Variants in SNPH observed in about 807,000 individuals in gnomAD.
SNPH encodes the protein syntaphilin.
SNPH carries 10 observed loss-of-function variants against 36.8 expected under a neutral mutation model. The observed-to-expected ratio is 0.27, with a 90% CI of 0.17 to 0.46. The LOEUF is 0.46. Ranked by LOEUF, SNPH falls within the 20% of genes least tolerant of loss-of-function variation. SNPH has a pLI of 1.00. For synonymous variants in SNPH, 281 were observed against 312.2 expected (o/e 0.90, Z 1.05); for missense variants, 622 against 744.0 (o/e 0.84, Z 1.91).
In SNPH at chr20:1,279,463, A is replaced by T. The variant is rs1047882397; in HGVS notation, c.-493+12703A>T. 2.6e-5 allele frequency among the ~76,000 whole-genome samples: 4 copies of T among 152,264 alleles called. No individual in the cohort carries two copies. In the East Asian group the frequency reaches 7.7e-4, roughly 29 times the overall value. The stretch of plus-strand genomic sequence containing the variant: ...TATGAGAGTACTTTATACATTCTGG[A>T]TATAAGTTCTTTGTTAAATATATAT... On this transcript the variant is annotated intron_variant, in intron 2 of 6. Transcript: ENST00000381867.
intron 2 of SNPH, among the ~76,000 whole-genome samples, chr20:1,279,779 T>C (rs1294009243): frequency 6.6e-6 from 1 of 152,122 alleles, no homozygotes; most frequent in Non-Finnish European, 1.5e-5. Context: ...CATGAAGGTT[T>C]AGTGTCAGAG....
At position 1,305,825 on chromosome 20, in the gene SNPH, G is replaced by A. The variant is rs762721027; in HGVS notation, c.1388G>A (p.Ser463Asn). The change falls in exon 7 of 7, where the codon AGC (serine) becomes AAC (asparagine). Residue 463 changes from serine (S) to asparagine (N), a missense_variant. Coordinates refer to ENST00000381867, the MANE Select transcript of SNPH (RefSeq NM_001318234.2). ...EAAVAEKEPK[S>N]YWSRHYIVDL... is the part of the protein sequence containing the mutation. Reference sequence around the variant, plus strand: ...GCCGTGGCTGAGAAGGAGCCCAAGAGCTACTGGAGCCGCCACTACATCGTG... The same window carrying A: ...GCCGTGGCTGAGAAGGAGCCCAAGAACTACTGGAGCCGCCACTACATCGTG... 24 of 1,571,782 alleles carry A rather than the reference G, an allele frequency of 1.5e-5. No homozygotes were observed. Among genetic ancestry groups the A allele is most frequent in the Admixed American group, 9.2e-5 (5 of 54,482 alleles).
Position 1,309,143 on chromosome 20 carries a change from G to A in SNPH, c.*3089G>A, listed in dbSNP as rs4814096. ...GAACTCACAACCCCCTCTCTGACCT[G>A]GGGGACAATGCAAACAGGTCACAGT... is the stretch of plus-strand genomic sequence containing the variant. On this transcript the variant is annotated 3_prime_UTR_variant, in exon 7 of 7. Coordinates refer to ENST00000381867, the MANE Select transcript of SNPH (RefSeq NM_001318234.2). 0.99 allele frequency: 151,548 copies of A among 152,690 alleles called. 75,218 individuals are homozygous for A. The highest frequency in any genetic ancestry group is 1 in the East Asian group (5,176 of 5,176). The allele number at this position is 152,690 out of a possible 1,614,324, so 9.5% of individuals were successfully genotyped here.
chr20:1,288,412 C>T (rs897935391), intron 2 of SNPH, among the ~76,000 whole-genome samples: 13 of 151,928 alleles, frequency 8.6e-5, no homozygotes, highest in African/African-American at 2.4e-4. Flanking sequence ...CCAAGATGGA[C>T]GATGTGATAT....
intron 2 of SNPH, among the ~76,000 whole-genome samples, chr20:1,286,747 G>A (rs1865344607): frequency 6.6e-6 from 1 of 152,216 alleles, no homozygotes; most frequent in South Asian, 2.1e-4. Flanking sequence ...GGGAGAGAAT[G>A]CAAGTGCAAG....
intron 2 of SNPH, among the ~76,000 whole-genome samples, chr20:1,288,555 C>G (rs2088311011): frequency 6.6e-6 from 1 of 151,848 alleles, no homozygotes; most frequent in Non-Finnish European, 1.5e-5. Context: ...GCCTGCGAGG[C>G]TGATTCTTAG....
Position 1,306,151 on chromosome 20 carries a change from T to A in SNPH, c.*97T>A. 1 of 1,033,738 alleles carries A rather than the reference T, an allele frequency of 9.7e-7. No individual in the cohort carries two copies. The highest frequency in any genetic ancestry group is 1.3e-6 in the Non-Finnish European group (1 of 759,262). The allele number at this position is 1,033,738 out of a possible 1,614,324, so 64.0% of individuals were successfully genotyped here. On this transcript the variant is annotated 3_prime_UTR_variant, in exon 7 of 7. Transcript: ENST00000381867. ...TCCCATGGGCATCATCTTATTTATT[T>A]AGTTTTGGGTGTGGAACTGTTTCTT...
At position 1,296,303 on chromosome 20, in the gene SNPH, C is replaced by T. The variant is rs758812111; in HGVS notation, c.64C>T (p.Pro22Ser). The T allele has an allele frequency of 6.3e-7, 1 of 1,582,612 alleles. No individual in the cohort carries two copies. The highest frequency in any genetic ancestry group is 1.1e-5 in the South Asian group (1 of 87,034). Reference protein sequence around the residue: ...WPGPALSAGPPTRPLSSAPGI... With the variant: ...WPGPALSAGPSTRPLSSAPGI... ...TGGCCCGGCCCTTTCTGCGGGCCCC[C>T]CAACCCGCCCTCTCTCCTCAGCCCC... The change falls in exon 4 of 7, where the codon CCA becomes TCA. Residue 22 changes from proline to serine, a missense_variant. Physicochemically the swap from Pro to Ser is moderately conservative, Grantham distance 74. This residue lies in a region of SNPH where 187 missense variants were observed against 209.4 expected (regional missense o/e 0.89). Coordinates refer to ENST00000381867, the MANE Select transcript of SNPH (RefSeq NM_001318234.2).
chr20:1,301,261 GCC>G (rs765888729), intron 6 of SNPH, among the ~76,000 whole-genome samples: 105 of 152,212 alleles, frequency 6.9e-4, no homozygotes, highest in Middle Eastern at 3.4e-3. Flanking sequence ...TCTCCCAGGA[GCC>G]CCCGCAGGCC....
At chr20:1,274,076 G>A (rs933608179) in intron 2 of SNPH, among the ~76,000 whole-genome samples, 4 of 152,180 alleles carry the variant, frequency 2.6e-5, no homozygotes, top group Non-Finnish European at 5.9e-5. Context: ...AAGATAGGAA[G>A]TTTTTTAATA....
In SNPH at chr20:1,300,640, G is replaced by A. The variant is rs1381189706; in HGVS notation, c.369G>A (p.Leu123=). 2 of 1,613,508 alleles carry A rather than the reference G, an allele frequency of 1.2e-6. No homozygotes were observed. The highest frequency in any genetic ancestry group is 2.2e-5 in the South Asian group (2 of 91,056). ...CCCCGGAGCAGTACCTGACCCCCCTGCAGCAGAAGGAGGTGTGCATCCGGC... is the reference window on the plus strand; with the variant it reads ...CCCCGGAGCAGTACCTGACCCCCCTACAGCAGAAGGAGGTGTGCATCCGGC... ...PPTPEQYLTP[L]QQKEVCIRHL... The change falls in exon 6 of 7, where the codon CTG becomes CTA. Residue 123 remains leucine (L), a synonymous_variant. Transcript: ENST00000381867.
intron 2 of SNPH, among the ~76,000 whole-genome samples, chr20:1,277,413 GTGTC>G (rs199819335): frequency 1.3e-5 from 2 of 151,548 alleles, no homozygotes; most frequent in African/African-American, 4.9e-5. Flanking sequence ...GTGTATGTCT[GTGTC>G]TGTGTGTCTG....
chr20:1,294,795 TG>T lies in SNPH; in HGVS notation c.-492-152del, dbSNP rs2088408612. Among the ~76,000 whole-genome samples the T allele has an allele frequency of 6.6e-6, 1 of 151,954 alleles. No individual in the cohort carries two copies. The highest frequency in any genetic ancestry group is 6.6e-5 in the Admixed American group (1 of 15,248). ...GGGGTGGTCCCCGGGCCAGAGACTC[TG>T]GGGTTTGAGATCCAGCCCCTCAGCA... On this transcript the variant is annotated intron_variant, in intron 2 of 6. Coordinates refer to ENST00000381867, the MANE Select transcript of SNPH (RefSeq NM_001318234.2). The surrounding 1 kb of genome is among the most constrained non-coding windows in gnomAD (Gnocchi z 4.4).
At position 1,308,879 on chromosome 20, in the gene SNPH, C is replaced by G. The variant is rs2088617626; in HGVS notation, c.*2825C>G. 6.6e-6 allele frequency: 1 copy of G among 152,314 alleles called. No individual in the cohort carries two copies. Among genetic ancestry groups the G allele is most frequent in the African/African-American group, 2.4e-5 (1 of 41,464 alleles). The allele number at this position is 152,314 out of a possible 1,614,324, so 9.4% of individuals were successfully genotyped here. ...TTCTAGGGCTCGGGCCAGAGTGGCA[C>G]TACTGCCCGGCCAGTCCAGGCTCAG... On this transcript the variant is annotated 3_prime_UTR_variant, in exon 7 of 7. Coordinates refer to ENST00000381867, the MANE Select transcript of SNPH (RefSeq NM_001318234.2).
chr20:1,297,679 CAG>C (rs1187536164), intron 5 of SNPH, among the ~76,000 whole-genome samples: 1 of 152,220 alleles, frequency 6.6e-6, no homozygotes, highest in African/African-American at 2.4e-5. Flanking sequence ...AAGCCCTTCT[CAG>C]AGATTGTTTT....
chr20:1,280,638 G>C (rs894257398), intron 2 of SNPH, among the ~76,000 whole-genome samples: 1 of 152,178 alleles, frequency 6.6e-6, no homozygotes, highest in Non-Finnish European at 1.5e-5. Flanking sequence ...CTGAGTGGCA[G>C]AGCTGAGTGT....
intron 2 of SNPH, among the ~76,000 whole-genome samples, chr20:1,275,683 G>A (rs1445645367): frequency 2.0e-5 from 3 of 152,038 alleles, no homozygotes; most frequent in Non-Finnish European, 4.4e-5. Flanking sequence ...CTGTGAATGG[G>A]CATTCCTTCC....
intron 5 of SNPH, among the ~76,000 whole-genome samples, chr20:1,299,911 G>A (rs2088484112): frequency 6.6e-6 from 1 of 152,196 alleles, no homozygotes; most frequent in South Asian, 2.1e-4. Context: ...GAGTGCCAGG[G>A]CGTATATGGA....
intron 6 of SNPH, among the ~76,000 whole-genome samples, chr20:1,303,972 A>T (rs1356838281): frequency 6.6e-6 from 1 of 151,246 alleles, no homozygotes; most frequent in Admixed American, 6.6e-5. Flanking sequence ...ATTCTGTCTC[A>T]CTCTGGTTTT....
Sources: gnomAD v4.1 joint callset for allele counts (sites outside exome capture counted in the v4.1 genomes callset) on GRCh38, gnomAD v4.1.1 for gene constraint, gnomAD v4.1.1 regional missense constraint, Gnocchi (gnomAD v3.1) non-coding constraint, MANE v1.5 for transcripts, NCBI Gene and HGNC (gene_info 2026-07-23, HGNC 2026-07-21) for gene names.